Variants in LARGE1 observed in about 807,000 individuals in gnomAD.
The protein encoded by LARGE1 is LARGE xylosyl- and glucuronyltransferase 1.
Under a neutral mutation model 87.6 loss-of-function variants are expected in LARGE1, and 43 were observed. The observed-to-expected ratio is 0.49, with a 90% confidence interval of 0.38 to 0.63. LARGE1 has a LOEUF of 0.63. LARGE1 is among the 30% of genes least tolerant of loss of function. The probability of loss-of-function intolerance (pLI) is 0.00; values close to 1 mark genes in which losing one functional copy is unlikely to be tolerated. For synonymous variants in LARGE1, 434 were observed against 394.6 expected (o/e 1.10, Z -1.18); for missense variants, 802 against 1,000.2 (o/e 0.80, Z 2.67).
chr22:33,625,334 T>G (rs2079886773), intron 4 of LARGE1, among the ~76,000 whole-genome samples: 1 of 152,130 alleles, frequency 6.6e-6, no homozygotes, highest in African/African-American at 2.4e-5. Context: ...AAAAGTTCCA[T>G]GAGAAAGCAG....
chr22:33,358,157 A>G (rs1941073534), intron 9 of LARGE1, among the ~76,000 whole-genome samples: 1 of 152,230 alleles, frequency 6.6e-6, no homozygotes, highest in Non-Finnish European at 1.5e-5. Context: ...ACAGCAGTGC[A>G]CAAAGAGATC....
intron 2 of LARGE1, among the ~76,000 whole-genome samples, chr22:33,758,779 C>G (rs964339292): frequency 2.0e-5 from 3 of 152,184 alleles, no homozygotes; most frequent in Non-Finnish European, 4.4e-5. Context: ...CTAATCTCTT[C>G]CTTTTGGGAA....
chr22:33,348,340 G>T (rs1039291907), intron 9 of LARGE1, among the ~76,000 whole-genome samples: 1 of 148,436 alleles, frequency 6.7e-6, no homozygotes, highest in Admixed American at 6.9e-5. Context: ...CAGGGGCAAG[G>T]CACTGATCTG....
chr22:33,796,466 A>T (rs1232269297), intron 1 of LARGE1, among the ~76,000 whole-genome samples: 1 of 152,236 alleles, frequency 6.6e-6, no homozygotes, highest in Non-Finnish European at 1.5e-5. Flanking sequence ...AGCCCCCGCT[A>T]GACTCAAATT....
intron 11 of LARGE1, among the ~76,000 whole-genome samples, chr22:33,171,895 C>A (rs1052535205): frequency 2.0e-5 from 3 of 152,320 alleles, no homozygotes; most frequent in African/African-American, 7.2e-5. Context: ...CTCCAGACCC[C>A]AGAAAGGTAG....
At chr22:33,783,657 T>C (rs947380040) in intron 1 of LARGE1, among the ~76,000 whole-genome samples, 3 of 152,150 alleles carry the variant, frequency 2.0e-5, no homozygotes, top group Non-Finnish European at 2.9e-5. Context: ...TGTTTTGTTG[T>C]TATTGTTGTT....
At chr22:33,726,020 T>G (rs2083261244) in intron 2 of LARGE1, 1 of 151,748 alleles carries the variant, frequency 6.6e-6, no homozygotes, top group Non-Finnish European at 1.5e-5. Context: ...ACAGCCTCCC[T>G]GCCCCCCATA....
chr22:33,309,421 C>T (rs529250408), intron 11 of LARGE1, among the ~76,000 whole-genome samples: 46 of 152,280 alleles, frequency 3.0e-4, no homozygotes, highest in Non-Finnish European at 5.4e-4. Flanking sequence ...ACTGCCTTGG[C>T]CTCCCAAAGT....
the LARGE1 span, among the ~76,000 whole-genome samples, chr22:33,091,846 G>C: frequency 6.6e-6 from 1 of 152,160 alleles, no homozygotes; most frequent in Non-Finnish European, 1.5e-5. Flanking sequence ...ACCTCATAGA[G>C]GTTCAAAGTT....
intron 11 of LARGE1, among the ~76,000 whole-genome samples, chr22:33,251,742 C>T (rs867378399): frequency 4.6e-5 from 7 of 152,312 alleles, no homozygotes; most frequent in Middle Eastern, 3.4e-3. Flanking sequence ...CCACAGCTGT[C>T]CAACTTTGGT....
chr22:33,747,177 G>A lies in LARGE1; in HGVS notation c.106+14194C>T, dbSNP rs76906093. ...TCTGAACTTTGATTAGCAGCTAAAG[G>A]CAAGTCCAGATTGAAAGGACTAAGC... On this transcript the variant is annotated intron_variant, in intron 2 of 14. Coordinates refer to ENST00000397394, the MANE Select transcript of LARGE1 (RefSeq NM_133642.5). Among the ~76,000 whole-genome samples, 365 of 152,240 alleles carry A rather than the reference G, an allele frequency of 2.4e-3. 1 individual carries two copies. The highest frequency in any genetic ancestry group is 8.3e-3 in the African/African-American group (346 of 41,550).
the LARGE1 span, among the ~76,000 whole-genome samples, chr22:33,104,889 C>CTTTCTTTCTTTCTT: frequency 9.4e-3 from 841 of 89,214 alleles, 10 homozygotes; most frequent in Non-Finnish European, 0.013. Context: ...GACTTTCTCT[C>CTTTCTTTCTTTCTT]TCTTTCTTTC....
chr22:33,119,930 A>G, the LARGE1 span, among the ~76,000 whole-genome samples: 3 of 152,150 alleles, frequency 2.0e-5, no homozygotes, highest in Non-Finnish European at 2.9e-5. Context: ...CTTGCAGTAG[A>G]TAACTGCTGT....
intron 6 of LARGE1, among the ~76,000 whole-genome samples, chr22:33,536,221 GCT>G (rs1201654704): frequency 6.6e-6 from 1 of 152,156 alleles, no homozygotes; most frequent in African/African-American, 2.4e-5. Flanking sequence ...CTGTTCTCTT[GCT>G]CTGAGAACAG....
At chr22:33,440,171 A>T (rs1173558272) in intron 6 of LARGE1, among the ~76,000 whole-genome samples, 1 of 152,180 alleles carries the variant, frequency 6.6e-6, no homozygotes, top group Admixed American at 6.5e-5. Context: ...GGCCCATTAT[A>T]CTGCAGGTGT....
intron 1 of LARGE1, among the ~76,000 whole-genome samples, chr22:33,806,667 T>C (rs955567393): frequency 6.6e-6 from 1 of 152,194 alleles, no homozygotes; most frequent in Non-Finnish European, 1.5e-5. Context: ...GATGCAATGA[T>C]GCCAGCTGTG....
At chr22:33,669,840 C>T (rs1030864245) in intron 2 of LARGE1, among the ~76,000 whole-genome samples, 5 of 152,244 alleles carry the variant, frequency 3.3e-5, no homozygotes, top group Admixed American at 2.0e-4. Flanking sequence ...GTTATACCTA[C>T]AATTTCTCAA....
intron 11 of LARGE1, among the ~76,000 whole-genome samples, chr22:33,312,346 G>A (rs1216924803): frequency 6.6e-6 from 1 of 151,680 alleles, no homozygotes; most frequent in Non-Finnish European, 1.5e-5. Context: ...AGGTTGAGGC[G>A]GGAGAATCGC....
intron 5 of LARGE1, among the ~76,000 whole-genome samples, chr22:33,595,031 A>T (rs1433249354): frequency 6.6e-6 from 1 of 152,234 alleles, no homozygotes; most frequent in Non-Finnish European, 1.5e-5. Flanking sequence ...TCTCTTTAGC[A>T]GCATTTGGTT....
Sources: gnomAD v4.1 joint callset for allele counts (sites outside exome capture counted in the v4.1 genomes callset) on GRCh38, gnomAD v4.1.1 for gene constraint, MANE v1.5 for transcripts, NCBI Gene and HGNC (gene_info 2026-07-23, HGNC 2026-07-21) for gene names.